Variants in FBXO41 observed in about 807,000 individuals in gnomAD.
FBXO41 encodes the protein F-box only protein 41.
FBXO41 carries 33 observed loss-of-function variants against 81.6 expected under a neutral mutation model. The ratio of observed to expected loss-of-function variants is 0.40; its 90% CI spans 0.31 to 0.54. The LOEUF is 0.54. FBXO41 is among the 20% of genes least tolerant of loss of function. The probability of loss-of-function intolerance (pLI) is 0.39; values close to 1 mark genes in which losing one functional copy is unlikely to be tolerated. For missense variants in FBXO41, 1,107 were observed against 1,236.0 expected, an observed-to-expected ratio of 0.90 and a Z score of 1.56; for synonymous variants, 576 against 552.7, an observed-to-expected ratio of 1.04 and a Z score of -0.59.
At position 73,258,786 on chromosome 2, in the gene FBXO41, C is replaced by CTGGG; in HGVS notation, c.*192_*195dup. 1.6e-6 allele frequency: 1 copy of CTGGG among 616,934 alleles called. No homozygotes were observed. The highest frequency in any genetic ancestry group is 2.7e-6 in the Non-Finnish European group (1 of 363,700). 38.2% of individuals were successfully genotyped at this position (616,934 alleles called of 1,614,324 possible). On this transcript the variant is annotated 3_prime_UTR_variant, in exon 13 of 13. Transcript: ENST00000520530. ...GGCAGCTTCTGTCCAAGCCCCTGTA[C>CTGGG]TGGGGAGGCAGTGCCCTGGGTCAGG...
chr2:73,269,454 G>C lies in FBXO41; in HGVS notation c.177C>G (p.Ala59=), dbSNP rs1187323633. The C allele has an allele frequency of 7.9e-7, 1 of 1,261,042 alleles. No individual in the cohort carries two copies. Among genetic ancestry groups the C allele is most frequent in the South Asian group, 2.5e-5 (1 of 39,676 alleles). 78.1% of individuals were successfully genotyped at this position (1,261,042 alleles called of 1,614,324 possible). The change falls in exon 2 of 13, where the codon GCC becomes GCG. Residue 59 remains alanine (A), a synonymous_variant. Transcript: ENST00000520530. This position sits in a 1 kb window ranked among gnomAD's most constrained non-coding sequence, Gnocchi z 7.0. ...DGAAAAAAAA[A]AASGFPLAPE... is the part of the protein sequence containing the mutation. ...GAGCCAGCGGGAACCCCGAGGCAGC[G>C]GCGGCGGCGGCCGCGGCGGCGGCGG...
Position 73,259,268 on chromosome 2 carries a change from C to G in FBXO41, c.2478G>C (p.Val826=). ...AATAATCCGCAATCCCAATCTGGAC[C>G]ACAATGGACTTGAGGTTCCGGCAGA... ...NSICRNLKSI[V]VQIGIADYFK... is the part of the protein sequence containing the mutation. Residue 826 remains valine (V), a synonymous_variant, in exon 12 of 13, where the codon GTG becomes GTC. Transcript: ENST00000520530. The surrounding 1 kb of genome is among the most constrained non-coding windows in gnomAD (Gnocchi z 4.2). 6.2e-7 allele frequency: 1 copy of G among 1,614,042 alleles called. No homozygotes were observed. The highest frequency in any genetic ancestry group is 8.5e-7 in the Non-Finnish European group (1 of 1,179,898).
At chr2:73,265,736 C>T (rs1342677045) in intron 4 of FBXO41, 96 bp from the exon 5 acceptor site, 10 of 1,430,530 alleles carry the variant, frequency 7.0e-6, no homozygotes, top group East Asian at 2.5e-5. Flanking sequence ...GCAACCCACC[C>T]GCCCTGCTTT....
rs948554643 is a variant in FBXO41 at position 73,269,085 on chromosome 2, C to A, written c.546G>T (p.Gly182=). The A allele has an allele frequency of 3.9e-5, 59 of 1,508,884 alleles. No individual in the cohort carries two copies. The African/African-American group carries it at 8.0e-4, about 20-fold the overall frequency. The allele number at this position is 1,508,884 out of a possible 1,614,324, so 93.5% of individuals were successfully genotyped here. ...GGGACGCGGGCGAAGCGGAGGCAGG[C>A]CCGGGGCAAGGGCCGGGGCCGGGGC... ...PPGPGPGPCP[G]PASASPASPS... The change falls in exon 2 of 13, where the codon GGG becomes GGT. Residue 182 remains glycine (G), a synonymous_variant. Transcript: ENST00000520530. This position sits in a 1 kb window ranked among gnomAD's most constrained non-coding sequence, Gnocchi z 7.0.
chr2:73,262,847 G>A (rs1454689048), intron 9 of FBXO41, among the ~76,000 whole-genome samples: 1 of 152,172 alleles, frequency 6.6e-6, no homozygotes, highest in Non-Finnish European at 1.5e-5. Flanking sequence ...CCAGGTTCAA[G>A]CGATTCTCCT....
chr2:73,259,389 G>A lies in FBXO41; in HGVS notation c.2450-93C>T. The A allele has an allele frequency of 4.6e-6, 5 of 1,085,384 alleles. No individual in the cohort carries two copies. In the South Asian group the frequency reaches 6.6e-5, roughly 14 times the overall value. 67.2% of individuals were successfully genotyped at this position (1,085,384 alleles called of 1,614,324 possible). A position where few individuals can be genotyped will look rare whatever the true frequency, so the allele number is the denominator to read the frequency against. ...CTAATTAATGAAATCAGACAATCAG[G>A]TGCCAGCTACCGGGAACACGACAGA... is the stretch of plus-strand genomic sequence containing the variant. On this transcript the variant is annotated intron_variant, in intron 11 of 12. Coordinates refer to ENST00000520530, the MANE Select transcript of FBXO41 (RefSeq NM_001371389.2). The surrounding 1 kb of genome is among the most constrained non-coding windows in gnomAD (Gnocchi z 4.2).
At chr2:73,273,519 C>CTT (rs1688600182) in intron 1 of FBXO41, among the ~76,000 whole-genome samples, 1 of 152,154 alleles carries the variant, frequency 6.6e-6, no homozygotes, top group Non-Finnish European at 1.5e-5. Context: ...CCAGGGAACA[C>CTT]ACATGACCTC....
chr2:73,275,655 C>T (rs1437719853), intron 1 of FBXO41, among the ~76,000 whole-genome samples: 2 of 152,114 alleles, frequency 1.3e-5, no homozygotes, highest in Non-Finnish European at 2.9e-5. Flanking sequence ...AACTCATGGC[C>T]AATTATTTTT....
Position 73,269,675 on chromosome 2 carries a change from C to A in FBXO41, c.-45G>T. 8.8e-7 allele frequency: 1 copy of A among 1,136,592 alleles called. No individual in the cohort carries two copies. The highest frequency in any genetic ancestry group is 4.1e-5 in the South Asian group (1 of 24,450). The allele number at this position is 1,136,592 out of a possible 1,614,324, so 70.4% of individuals were successfully genotyped here. A position where few individuals can be genotyped will look rare whatever the true frequency, so the allele number is the denominator to read the frequency against. On this transcript the variant is annotated 5_prime_UTR_variant, in exon 2 of 13. Coordinates refer to ENST00000520530, the MANE Select transcript of FBXO41 (RefSeq NM_001371389.2). The surrounding 1 kb of genome is among the most constrained non-coding windows in gnomAD (Gnocchi z 7.0). ...CACGCGGGCTCCACCGCGGCCGCCC[C>A]GCCGGTCAGCCGGGCGCGCTCATGG...
rs1416963014 is a variant in FBXO41 at position 73,254,778 on chromosome 2, C to T, written c.*4204G>A. ...CCTTTTAAATACATACACTCAGGTA[C>T]ATTCAGCAAAGGGCATCTTACGGGT... On this transcript the variant is annotated 3_prime_UTR_variant, in exon 13 of 13. Transcript: ENST00000520530. 6.6e-6 allele frequency: 1 copy of T among 152,664 alleles called. No homozygotes were observed. Among genetic ancestry groups the T allele is most frequent in the Non-Finnish European group, 1.5e-5 (1 of 68,052 alleles). The allele number at this position is 152,664 out of a possible 1,614,324, so 9.5% of individuals were successfully genotyped here. A position where few individuals can be genotyped will look rare whatever the true frequency, so the allele number is the denominator to read the frequency against.
At chr2:73,278,602 A>G (rs891794691) in intron 1 of FBXO41, among the ~76,000 whole-genome samples, 2 of 152,246 alleles carry the variant, frequency 1.3e-5, no homozygotes, top group Non-Finnish European at 2.9e-5. Flanking sequence ...AGAGTATACA[A>G]TTATGAAATA....
At chr2:73,263,176 G>GT in intron 9 of FBXO41, 37 bp downstream of exon 9, 1 of 1,523,304 alleles carries the variant, frequency 6.6e-7, no homozygotes, top group Non-Finnish European at 8.9e-7. Flanking sequence ...GCCCAACCGT[G>GT]TCCCCCCTCC....
In FBXO41 at chr2:73,265,307, C is replaced by T; in HGVS notation, c.1539G>A (p.Gly513=). ...DAPRPGPAMA[G]PLSSCRLSAR... ...CTGAGAGCCGGCAGCTGCTCAATGGCCCAGCCATAGCAGGCCCGGGGCGGG... is the reference window on the plus strand; with the variant it reads ...CTGAGAGCCGGCAGCTGCTCAATGGTCCAGCCATAGCAGGCCCGGGGCGGG... Residue 513 remains glycine (G), a synonymous_variant, in exon 5 of 13, where the codon GGG becomes GGA. Transcript: ENST00000520530. 2 of 1,609,006 alleles carry T rather than the reference C, an allele frequency of 1.2e-6. No individual in the cohort carries two copies. The highest frequency in any genetic ancestry group is 1.7e-6 in the Non-Finnish European group (2 of 1,178,924).
intron 1 of FBXO41, among the ~76,000 whole-genome samples, chr2:73,278,597 A>G (rs1688758390): frequency 6.6e-6 from 1 of 152,242 alleles, no homozygotes; most frequent in Non-Finnish European, 1.5e-5. Flanking sequence ...GTGTTAGAGT[A>G]TACAATTATG....
intron 2 of FBXO41, among the ~76,000 whole-genome samples, chr2:73,267,651 G>T (rs533823691): frequency 6.6e-6 from 1 of 152,062 alleles, no homozygotes; most frequent in Non-Finnish European, 1.5e-5. Flanking sequence ...CTTACAATGG[G>T]GATACATCCC....
intron 1 of FBXO41, among the ~76,000 whole-genome samples, chr2:73,277,254 G>A (rs1688724753): frequency 6.6e-6 from 1 of 152,170 alleles, no homozygotes. Context: ...GCTGAGGAGT[G>A]ACTATAAATC....
chr2:73,266,466 T>C lies in FBXO41; in HGVS notation c.1122A>G (p.Pro374=). ...GGGAGPNARG[P]GRMREHHVGP... Reference sequence around the variant, plus strand: ...GCAGGTGGGCACTCACCATTCTGCCTGGGCCCCGGGCATTGGGTCCAGCAC... The same window carrying C: ...GCAGGTGGGCACTCACCATTCTGCCCGGGCCCCGGGCATTGGGTCCAGCAC... Residue 374 remains proline, a synonymous_variant, in exon 3 of 13, where the codon CCA becomes CCG. Coordinates refer to ENST00000520530, the MANE Select transcript of FBXO41 (RefSeq NM_001371389.2). This position sits in a 1 kb window ranked among gnomAD's most constrained non-coding sequence, Gnocchi z 5.3. The C allele has an allele frequency of 6.6e-7, 1 of 1,515,218 alleles. No homozygotes were observed. The highest frequency in any genetic ancestry group is 8.9e-7 in the Non-Finnish European group (1 of 1,124,824). 93.9% of individuals were successfully genotyped at this position (1,515,218 alleles called of 1,614,324 possible).
In FBXO41 at chr2:73,264,481, C is replaced by T. The variant is rs1463589560; in HGVS notation, c.1603G>A (p.Glu535Lys). 1.2e-6 allele frequency: 2 copies of T among 1,613,842 alleles called. No homozygotes were observed. The highest frequency in any genetic ancestry group is 2.7e-5 in the African/African-American group (2 of 75,050). ...TTGGAGCGTGAGGGGCTGACCCTCT[C>T]TGCTCGCCGACCCCGCCCACTGCCT... Reference protein sequence around the residue: ...EGGSGRGRRAERVSPSRSNEV... With the variant: ...EGGSGRGRRAKRVSPSRSNEV... The change falls in exon 6 of 13, where the codon GAG becomes AAG. Residue 535 changes from glutamate to lysine, a missense_variant. Physicochemically the swap from Glu to Lys is moderately conservative, Grantham distance 56 (BLOSUM62 1). Coordinates refer to ENST00000520530, the MANE Select transcript of FBXO41 (RefSeq NM_001371389.2).
At chr2:73,263,457 T>TAAA (rs879811964) in intron 8 of FBXO41, 149 bp from the exon 9 acceptor site, 8 of 659,222 alleles carry the variant, frequency 1.2e-5, no homozygotes, top group Non-Finnish European at 1.9e-5. Context: ...CGTCTCCATT[T>TAAA]AAAAAAAAAA....
Sources: allele counts gnomAD v4.1 joint callset (sites outside exome capture counted in the v4.1 genomes callset), GRCh38; gene constraint gnomAD v4.1.1; non-coding constraint Gnocchi (gnomAD v3.1); transcripts MANE v1.5; gene names NCBI Gene and HGNC (gene_info 2026-07-23, HGNC 2026-07-21).